The following CYRIB variants were observed in gnomAD, a reference collection of about 807,000 sequenced individuals.
CYRIB encodes the protein CYFIP related Rac1 interactor B.
In CYRIB, 8 loss-of-function variants were observed where a neutral mutation model predicts 44.2. That is an observed-to-expected ratio of 0.18 (90% CI 0.11 to 0.33). The LOEUF is 0.33. Among genes scored for constraint, CYRIB ranks in the 10% least tolerant of loss-of-function variants. CYRIB has a pLI of 1.00. For missense variants in CYRIB, 185 were observed against 382.8 expected (o/e 0.48, Z 4.31); for synonymous variants, 131 against 127.2 (o/e 1.03, Z -0.20).
chr8:129,936,152 T>A (rs555917588), intron 1 of CYRIB, among the ~76,000 whole-genome samples: 1 of 152,330 alleles, frequency 6.6e-6, no homozygotes, highest in South Asian at 2.1e-4. Context: ...ATACTTAATA[T>A]AAAATATAAG....
intron 5 of CYRIB, among the ~76,000 whole-genome samples, chr8:129,859,907 C>A (rs1040901334): frequency 1.3e-5 from 2 of 152,152 alleles, no homozygotes; most frequent in Non-Finnish European, 2.9e-5. Context: ...GGCTTGCCGC[C>A]CACATTTACC....
chr8:129,880,822 C>T (rs1183647748), intron 2 of CYRIB, among the ~76,000 whole-genome samples: 1 of 152,040 alleles, frequency 6.6e-6, no homozygotes, highest in Non-Finnish European at 1.5e-5. Flanking sequence ...ACTATAGAAA[C>T]CATTTTTTTA....
intron 1 of CYRIB, among the ~76,000 whole-genome samples, chr8:129,929,918 T>C (rs1425420242): frequency 6.6e-6 from 1 of 152,144 alleles, no homozygotes; most frequent in East Asian, 1.9e-4. Flanking sequence ...GTTATGCGTT[T>C]AAAAACAAAA....
chr8:129,933,571 A>G (rs2092141560), intron 1 of CYRIB, among the ~76,000 whole-genome samples: 1 of 152,190 alleles, frequency 6.6e-6, no homozygotes, highest in Non-Finnish European at 1.5e-5. Flanking sequence ...CCTCTACATC[A>G]TAATGTATAG....
At chr8:129,879,674 T>C in intron 2 of CYRIB, 1 of 500,784 alleles carries the variant, frequency 2.0e-6, no homozygotes, top group East Asian at 3.4e-5. Flanking sequence ...AATGTGGTTT[T>C]CCTGTACACA....
intron 6 of CYRIB, 127 bp downstream of exon 8, chr8:129,855,484 G>C: frequency 2.2e-6 from 2 of 921,346 alleles, no homozygotes; most frequent in South Asian, 2.2e-5. Flanking sequence ...ATCCAGCTTT[G>C]CATTTTTATT....
chr8:129,994,143 G>A (rs1314129861), intron 1 of CYRIB, among the ~76,000 whole-genome samples: 2 of 152,144 alleles, frequency 1.3e-5, no homozygotes, highest in Non-Finnish European at 2.9e-5. Flanking sequence ...GAGTAGGGTG[G>A]GGCCTAATAA....
chr8:129,994,273 G>GGT (rs2096717251), intron 1 of CYRIB, among the ~76,000 whole-genome samples: 1 of 151,854 alleles, frequency 6.6e-6, no homozygotes, highest in African/African-American at 2.4e-5. Context: ...AGAAGCTGGG[G>GGT]GGGGTGGCAT....
At chr8:129,918,735 C>A (rs982050152) in intron 1 of CYRIB, among the ~76,000 whole-genome samples, 4 of 152,178 alleles carry the variant, frequency 2.6e-5, no homozygotes, top group African/African-American at 9.7e-5. Context: ...CCTGAAACAT[C>A]ACAGTCTCCA....
At chr8:129,897,756 G>A (rs577767396) in intron 2 of CYRIB, among the ~76,000 whole-genome samples, 12 of 151,544 alleles carry the variant, frequency 7.9e-5, no homozygotes, top group South Asian at 2.1e-4. Context: ...GCAACATAGC[G>A]AAACTCCATC....
intron 1 of CYRIB, among the ~76,000 whole-genome samples, chr8:130,010,845 C>T (rs1363111298): frequency 6.6e-6 from 1 of 152,162 alleles, no homozygotes; most frequent in East Asian, 1.9e-4. Context: ...CCACTGCACT[C>T]AAAGTATGGT....
intron 2 of CYRIB, among the ~76,000 whole-genome samples, chr8:129,898,143 T>C (rs1026709327): frequency 6.6e-6 from 1 of 151,824 alleles, no homozygotes; most frequent in African/African-American, 2.4e-5. Context: ...TTAAACATTA[T>C]AGGCTAAAGA....
At chr8:129,970,076 T>C (rs2095630637) in intron 2 of CYRIB, among the ~76,000 whole-genome samples, 2 of 152,236 alleles carry the variant, frequency 1.3e-5, no homozygotes, top group South Asian at 4.1e-4. Context: ...TTGTATATCC[T>C]GATTTGGGTG....
At chr8:129,879,553 CA>C in intron 2 of CYRIB, 82 bp from the exon 5 acceptor site, 1 of 1,038,206 alleles carries the variant, frequency 9.6e-7, no homozygotes, top group African/African-American at 1.6e-5. Context: ...AAAATAGTAA[CA>C]GGGAAAATGT....
chr8:129,956,648 C>T (rs1018686255), intron 2 of CYRIB, among the ~76,000 whole-genome samples: 4 of 152,090 alleles, frequency 2.6e-5, no homozygotes, highest in Non-Finnish European at 5.9e-5. Context: ...GGTAACAGAG[C>T]CCCTGAATCT....
At chr8:129,863,428 G>A (rs909052862) in intron 4 of CYRIB, among the ~76,000 whole-genome samples, 1 of 151,824 alleles carries the variant, frequency 6.6e-6, no homozygotes, top group Non-Finnish European at 1.5e-5. Flanking sequence ...AGGAGGCTGA[G>A]ACAGGAGAAT....
intron 2 of CYRIB, among the ~76,000 whole-genome samples, chr8:129,969,186 G>T (rs1276805610): frequency 1.3e-5 from 2 of 151,956 alleles, no homozygotes; most frequent in Non-Finnish European, 2.9e-5. Context: ...GCTGATTTTT[G>T]TATTTTCAGT....
upstream of CYRIB, among the ~76,000 whole-genome samples, chr8:129,944,740 A>G (rs2131039283): frequency 6.6e-6 from 1 of 151,796 alleles, no homozygotes; most frequent in East Asian, 1.9e-4. Context: ...CCAATATCCC[A>G]CCATTGCACT....
At chr8:129,897,839 C>T (rs765510492) in intron 2 of CYRIB, among the ~76,000 whole-genome samples, 5 of 152,022 alleles carry the variant, frequency 3.3e-5, no homozygotes, top group Non-Finnish European at 7.4e-5. Flanking sequence ...AATCTTGGCT[C>T]ACTGCAATCT....
Sources: gnomAD v4.1 joint callset for allele counts (sites outside exome capture counted in the v4.1 genomes callset) on GRCh38, gnomAD v4.1.1 for gene constraint, MANE v1.5 for transcripts, NCBI Gene and HGNC (gene_info 2026-07-23, HGNC 2026-07-21) for gene names.